CAMK2G: variants seen among roughly 807,000 people sequenced by gnomAD.
CAMK2G encodes calcium/calmodulin dependent protein kinase II gamma, also known as calcium/calmodulin-dependent protein kinase type II subunit gamma.
A neutral mutation model predicts 88.7 loss-of-function variants in CAMK2G; 23 were observed. The ratio of observed to expected loss-of-function variants is 0.26; its 90% CI spans 0.19 to 0.37. The LOEUF (loss-of-function observed/expected upper bound fraction) is 0.37, where lower values mean the gene tolerates loss of function less well. Among genes scored for constraint, CAMK2G ranks in the 10% least tolerant of loss-of-function variants. The pLI, the probability that CAMK2G is intolerant of heterozygous loss-of-function variation, is 1.00. For missense variants in CAMK2G, 476 were observed against 780.8 expected, an observed-to-expected ratio of 0.61 and a Z score of 4.65; for synonymous variants, 263 against 294.8, an observed-to-expected ratio of 0.89 and a Z score of 1.11.
At chr10:73,853,655 G>A (rs1438860707) in intron 3 of CAMK2G, among the ~76,000 whole-genome samples, 1 of 152,222 alleles carries the variant, frequency 6.6e-6, no homozygotes. Context: ...AGCTCTTCCA[G>A]AGCAGTAAAT....
intron 9 of CAMK2G, 68 bp from the exon 10 acceptor site, chr10:73,847,415 T>C: frequency 6.5e-7 from 1 of 1,535,516 alleles, no homozygotes; most frequent in Non-Finnish European, 9.0e-7. Context: ...ACTGGTTCTG[T>C]CTTCAACTCA....
chr10:73,851,275 C>T (rs2094592495), intron 5 of CAMK2G, among the ~76,000 whole-genome samples: 1 of 152,198 alleles, frequency 6.6e-6, no homozygotes, highest in Admixed American at 6.5e-5. Context: ...GGACATCACC[C>T]TCGAGAAAAG....
At chr10:73,827,247 C>T (rs918882152) in intron 15 of CAMK2G, among the ~76,000 whole-genome samples, 3 of 152,130 alleles carry the variant, frequency 2.0e-5, no homozygotes, top group Non-Finnish European at 4.4e-5. Flanking sequence ...AGCGCAGTGG[C>T]GCGATCTCGG....
At position 73,813,851 on chromosome 10, in the gene CAMK2G, A is replaced by C. The variant is rs980059818; in HGVS notation, c.*667T>G. 1 of 152,444 alleles carries C rather than the reference A, an allele frequency of 6.6e-6. No individual in the cohort carries two copies. The highest frequency in any genetic ancestry group is 1.5e-5 in the Non-Finnish European group (1 of 68,000). The allele number at this position is 152,444 out of a possible 1,614,324, so 9.4% of individuals were successfully genotyped here. A position where few individuals can be genotyped will look rare whatever the true frequency, so the allele number is the denominator to read the frequency against. On this transcript the variant is annotated 3_prime_UTR_variant, in exon 23 of 23. Coordinates refer to ENST00000423381, the MANE Select transcript of CAMK2G (RefSeq NM_001367534.1). Reference sequence around the variant, plus strand: ...CAGCACCAATTCTCTTCCCTTCTACACTAAACAAGACAGTACAGCAACGTC... The same window carrying C: ...CAGCACCAATTCTCTTCCCTTCTACCCTAAACAAGACAGTACAGCAACGTC...
Position 73,815,850 on chromosome 10 carries a change from T to A in CAMK2G, c.1535-603A>T, listed in dbSNP as rs1175941376. 3 of 985,552 alleles carry A rather than the reference T, an allele frequency of 3.0e-6. No homozygotes were observed. The African/African-American group carries it at 5.2e-5, about 17-fold the overall frequency. 61.1% of individuals were successfully genotyped at this position (985,552 alleles called of 1,614,324 possible). A position where few individuals can be genotyped will look rare whatever the true frequency, so the allele number is the denominator to read the frequency against. ...TGGGGAAAAGGCAAAAGAAGTTGGA[T>A]TGCCATTATCAGCATATGCTGTGAA... On this transcript the variant is annotated intron_variant, in intron 21 of 22. Coordinates refer to ENST00000423381, the MANE Select transcript of CAMK2G (RefSeq NM_001367534.1).
intron 14 of CAMK2G, among the ~76,000 whole-genome samples, chr10:73,829,699 G>GT: frequency 1.5e-5 from 2 of 133,508 alleles, no homozygotes; most frequent in African/African-American, 5.9e-5. Flanking sequence ...ATAAGTAGTG[G>GT]GGTGTGTGTG....
At chr10:73,859,768 T>C (rs2095283274) in intron 3 of CAMK2G, among the ~76,000 whole-genome samples, 1 of 152,202 alleles carries the variant, frequency 6.6e-6, no homozygotes, top group African/African-American at 2.4e-5. Flanking sequence ...GAGCTGCTCC[T>C]CTCCCAGAGG....
chr10:73,820,493 T>TATATATATATATATATA (rs1491202927), intron 18 of CAMK2G, among the ~76,000 whole-genome samples: 3 of 31,268 alleles, frequency 9.6e-5, no homozygotes, highest in South Asian at 2.8e-3. Flanking sequence ...TATATATATA[T>TATATATATATATATATA]TTTTTTTTTT....
At chr10:73,816,566 T>G (rs2085579763) in intron 21 of CAMK2G, 2 of 643,884 alleles carry the variant, frequency 3.1e-6, no homozygotes, top group East Asian at 1.4e-4. Flanking sequence ...GTTCACATCA[T>G]TCTCCTGCCT....
chr10:73,866,356 C>A (rs555054939), intron 2 of CAMK2G, among the ~76,000 whole-genome samples: 37 of 152,330 alleles, frequency 2.4e-4, no homozygotes, highest in African/African-American at 7.9e-4. Flanking sequence ...CAGAAGCCTA[C>A]TCCAATGCCC....
intron 16 of CAMK2G, 73 bp from the exon 17 acceptor site, chr10:73,824,157 G>T: frequency 1.8e-6 from 2 of 1,139,506 alleles, no homozygotes; most frequent in Non-Finnish European, 1.3e-6. Flanking sequence ...AGCCCCACCT[G>T]CACCCCAGGA....
At chr10:73,836,396 T>G (rs2134137749) in intron 14 of CAMK2G, among the ~76,000 whole-genome samples, 1 of 152,240 alleles carries the variant, frequency 6.6e-6, no homozygotes, top group South Asian at 2.1e-4. Flanking sequence ...GACAGGTACT[T>G]ATTAAACACT....
rs537807044 is a variant in CAMK2G at position 73,833,723 on chromosome 10, C to G, written c.1053+3745G>C. Among the ~76,000 whole-genome samples the G allele has an allele frequency of 1.5e-4, 22 of 151,630 alleles. No homozygotes were observed. In the South Asian group the frequency reaches 4.6e-3, roughly 32 times the overall value. ...AAGTGATTCTCCTATCTCAGCCTCC[C>G]GAGTAGCTGGGACTACAGGCGTGCA... is the stretch of plus-strand genomic sequence containing the variant. On this transcript the variant is annotated intron_variant, in intron 14 of 22. Transcript: ENST00000423381.
chr10:73,860,390 T>C (rs2135493897), intron 3 of CAMK2G, among the ~76,000 whole-genome samples: 1 of 152,238 alleles, frequency 6.6e-6, no homozygotes, highest in Non-Finnish European at 1.5e-5. Flanking sequence ...GGGAGCACCA[T>C]GGAAACCCCC....
At chr10:73,844,743 A>G (rs577998608) in intron 10 of CAMK2G, among the ~76,000 whole-genome samples, 24 of 151,928 alleles carry the variant, frequency 1.6e-4, no homozygotes, top group African/African-American at 5.8e-4. Context: ...ATCACCATTT[A>G]TTTCCCACCT....
Position 73,819,637 on chromosome 10 carries a change from G to A in CAMK2G, c.1258C>T (p.Leu420Phe). Residue 420 changes from leucine to phenylalanine, a missense_variant, in exon 19 of 23, where the codon CTC (leucine) becomes TTC (phenylalanine). Leu to Phe is a conservative substitution (Grantham distance 22). This residue lies in a region of CAMK2G where 278 missense variants were observed against 366.5 expected (regional missense o/e 0.76). Coordinates refer to ENST00000423381, the MANE Select transcript of CAMK2G (RefSeq NM_001367534.1). ...TEDEDLKAAP[L>F]RTGNGSSVPE... ...ACCGAGCTGCCATTCCCAGTGCGGA[G>A]CGGGGCAGCTAGCCAGCCAGGGCAG... 1 of 1,540,840 alleles carries A rather than the reference G, an allele frequency of 6.5e-7. No homozygotes were observed. The highest frequency in any genetic ancestry group is 1.2e-5 in the South Asian group (1 of 83,798).
chr10:73,835,189 C>T (rs529538826), intron 14 of CAMK2G, among the ~76,000 whole-genome samples: 1 of 152,296 alleles, frequency 6.6e-6, no homozygotes, highest in South Asian at 2.1e-4. Flanking sequence ...CTCCCTGAGA[C>T]CTTAGCAGAC....
In CAMK2G at chr10:73,842,100, G is replaced by A. The variant is rs773034759; in HGVS notation, c.946+69C>T. 2 of 1,279,598 alleles carry A rather than the reference G, an allele frequency of 1.6e-6. No individual in the cohort carries two copies. The highest frequency in any genetic ancestry group is 2.3e-6 in the Non-Finnish European group (2 of 874,898). 79.3% of individuals were successfully genotyped at this position (1,279,598 alleles called of 1,614,324 possible). A position where few individuals can be genotyped will look rare whatever the true frequency, so the allele number is the denominator to read the frequency against. Reference sequence around the variant, plus strand: ...CGCCGAGGAAACCCAGCGGTGCCCGGGATGGCAACAGCCCATTCCTGATCC... The same window carrying A: ...CGCCGAGGAAACCCAGCGGTGCCCGAGATGGCAACAGCCCATTCCTGATCC... On this transcript the variant is annotated intron_variant, in intron 12 of 22. Transcript: ENST00000423381. This position sits in a 1 kb window ranked among gnomAD's most constrained non-coding sequence, Gnocchi z 4.6.
chr10:73,844,117 G>A (rs1157125530), intron 10 of CAMK2G, among the ~76,000 whole-genome samples: 3 of 150,306 alleles, frequency 2.0e-5, no homozygotes, highest in Admixed American at 1.3e-4. Flanking sequence ...TTTTGAAACA[G>A]CATCTCACTC....
Sources: allele counts gnomAD v4.1 joint callset (sites outside exome capture counted in the v4.1 genomes callset), GRCh38; gene constraint gnomAD v4.1.1; regional missense constraint gnomAD v4.1.1; non-coding constraint Gnocchi (gnomAD v3.1); transcripts MANE v1.5; gene names NCBI Gene and HGNC (gene_info 2026-07-23, HGNC 2026-07-21).